The following SBF2 variants were observed in gnomAD, a reference collection of about 807,000 sequenced individuals.
SBF2 encodes myotubularin-related protein 13.
Under a neutral mutation model 225.2 loss-of-function variants are expected in SBF2, and 112 were observed. The ratio of observed to expected loss-of-function variants is 0.50; its 90% CI spans 0.43 to 0.58. The LOEUF (loss-of-function observed/expected upper bound fraction) is 0.58, where lower values mean the gene tolerates loss of function less well. Among genes scored for constraint, SBF2 ranks in the 20% least tolerant of loss-of-function variants. SBF2 has a pLI of 0.00. For missense variants in SBF2, 1,996 were observed against 2,206.2 expected, an observed-to-expected ratio of 0.90 and a Z score of 1.91; for synonymous variants, 763 against 773.3, an observed-to-expected ratio of 0.99 and a Z score of 0.22.
intron 26 of SBF2, chr11:9,839,189 C>CTGGGAAAATCCTGTTCTTCAAGT: frequency 2.6e-6 from 1 of 381,512 alleles, no homozygotes. Flanking sequence ...CTCTATTGGG[C>CTGGGAAAATCCTGTTCTTCAAGT]TGGGAAAATC....
intron 1 of SBF2, among the ~76,000 whole-genome samples, chr11:10,255,640 T>C (rs746080278): frequency 6.6e-6 from 1 of 152,230 alleles, no homozygotes; most frequent in Non-Finnish European, 1.5e-5. Context: ...AGATTGACCA[T>C]AATAGTTCCT....
chr11:9,828,800 G>A (rs1162712675), intron 28 of SBF2, among the ~76,000 whole-genome samples: 1 of 152,182 alleles, frequency 6.6e-6, no homozygotes, highest in Non-Finnish European at 1.5e-5. Flanking sequence ...CATATTCCAT[G>A]TCATAAGAAT....
At chr11:9,787,485 T>C in intron 36 of SBF2, 149 bp downstream of exon 36, 1 of 707,366 alleles carries the variant, frequency 1.4e-6, no homozygotes, top group Non-Finnish European at 2.6e-6. Context: ...CTTTCTGCCC[T>C]GGACCTCCAG....
At chr11:10,124,382 T>C (rs1565256316) in intron 2 of SBF2, among the ~76,000 whole-genome samples, 1 of 152,216 alleles carries the variant, frequency 6.6e-6, no homozygotes, top group Non-Finnish European at 1.5e-5. Context: ...AACTTGTACA[T>C]TTCCGTCCTA....
chr11:9,812,561 C>T lies in SBF2; in HGVS notation c.4126G>A (p.Ala1376Thr). Residue 1376 changes from alanine (A) to threonine (T), a missense_variant, in exon 30 of 40, where the codon GCG becomes ACG. Physicochemically the swap from Ala to Thr is moderately conservative, Grantham distance 58 (BLOSUM62 0). Transcript: ENST00000256190. ...PTDSEVTFLK[A>T]LGDSEWFPQL... ...GGGAACCACTCAGAATCTCCCAGCG[C>T]TTTCAGGAAGGTCACTTCTGAGTCA... is the stretch of plus-strand genomic sequence containing the variant. 1 of 1,614,192 alleles carries T rather than the reference C, an allele frequency of 6.2e-7. No individual in the cohort carries two copies. The highest frequency in any genetic ancestry group is 1.1e-5 in the South Asian group (1 of 91,084).
intron 1 of SBF2, 47 bp downstream of exon 1, chr11:10,293,968 G>T: frequency 7.9e-7 from 1 of 1,264,372 alleles, no homozygotes; most frequent in Non-Finnish European, 1.0e-6. Context: ...CTGGACAGCG[G>T]CCGGGGGGCG....
rs769153339 is a variant in SBF2, at chr11:9,992,553, A to G, written c.1168-10T>C. ...GCCCCAAGAATGCTGTCTGTGAAAA[A>G]AGAAAATGTGAAATAATAATTTATC... On this transcript the variant is annotated splice_polypyrimidine_tract_variant and intron_variant, in intron 11 of 39. Transcript: ENST00000256190. 6.2e-6 allele frequency: 10 copies of G among 1,608,324 alleles called. No individual in the cohort carries two copies. The highest frequency in any genetic ancestry group is 8.5e-6 in the Non-Finnish European group (10 of 1,177,384).
At chr11:10,217,173 G>T (rs1452435492) in intron 1 of SBF2, among the ~76,000 whole-genome samples, 6 of 151,778 alleles carry the variant, frequency 4.0e-5, no homozygotes, top group African/African-American at 1.5e-4. Context: ...AGAAGGAGAA[G>T]ATAATTATTA....
At chr11:10,085,235 A>G (rs1951518237) in intron 2 of SBF2, among the ~76,000 whole-genome samples, 1 of 152,182 alleles carries the variant, frequency 6.6e-6, no homozygotes, top group African/African-American at 2.4e-5. Context: ...ACCTTTTAGC[A>G]ATTATTGTTT....
In SBF2 at chr11:9,913,003, C is replaced by T. The variant is rs372630659; in HGVS notation, c.1861-16992G>A. On this transcript the variant is annotated intron_variant, in intron 16 of 39. Transcript: ENST00000256190. ...ACAGGTACTTCAAAAAAGAGAAAAC[C>T]GTGCTGGGTGTGGTGGTTCACACCC... 9.2e-5 allele frequency among the ~76,000 whole-genome samples: 14 copies of T among 152,182 alleles called. No individual in the cohort carries two copies. The East Asian group carries it at 1.2e-3, about 13-fold the overall frequency.
chr11:10,042,930 A>C lies in SBF2; in HGVS notation c.193T>G (p.Phe65Val). Reference protein sequence around the residue: ...QLSRERKQPTFFVVVLTDIDS... With the variant: ...QLSRERKQPTVFVVVLTDIDS... ...ATGTCTGTCAGGACAACCACAAAGAACGTTGGCTGCTTCCTCTCTCTGGAC... is the reference window on the plus strand; with the variant it reads ...ATGTCTGTCAGGACAACCACAAAGACCGTTGGCTGCTTCCTCTCTCTGGAC... The change falls in exon 3 of 40, where the codon TTC becomes GTC. Residue 65 changes from phenylalanine (F) to valine (V), a missense_variant. Coordinates refer to ENST00000256190, the MANE Select transcript of SBF2 (RefSeq NM_030962.4). 1 of 1,614,030 alleles carries C rather than the reference A, an allele frequency of 6.2e-7. No homozygotes were observed. The highest frequency in any genetic ancestry group is 8.5e-7 in the Non-Finnish European group (1 of 1,179,910).
chr11:10,087,952 A>T (rs947377069), intron 2 of SBF2, among the ~76,000 whole-genome samples: 1 of 151,938 alleles, frequency 6.6e-6, no homozygotes, highest in African/African-American at 2.4e-5. Flanking sequence ...TATGTACTTA[A>T]TATGTGGTAG....
chr11:9,952,556 T>C (rs1007907989), intron 16 of SBF2, among the ~76,000 whole-genome samples: 1 of 152,224 alleles, frequency 6.6e-6, no homozygotes, highest in African/African-American at 2.4e-5. Flanking sequence ...AGATCACTCA[T>C]CTATCAGCTT....
chr11:10,295,193 C>T (rs1450042277), upstream of SBF2, among the ~76,000 whole-genome samples: 2 of 152,204 alleles, frequency 1.3e-5, no homozygotes, highest in Non-Finnish European at 2.9e-5. Flanking sequence ...TATCACTGCT[C>T]ACTATTAATT....
intron 2 of SBF2, among the ~76,000 whole-genome samples, chr11:10,078,566 G>T (rs1459738179): frequency 6.6e-6 from 1 of 152,050 alleles, no homozygotes; most frequent in Non-Finnish European, 1.5e-5. Context: ...ATTCATAAGT[G>T]GGAGTTGAAC....
chr11:9,990,657 T>A (rs1359941128), intron 12 of SBF2, among the ~76,000 whole-genome samples: 1 of 152,178 alleles, frequency 6.6e-6, no homozygotes, highest in Non-Finnish European at 1.5e-5. Flanking sequence ...AACAGAGAAC[T>A]GGATGAACAC....
In SBF2 at chr11:9,919,440, C is replaced by T. The variant is rs186654089; in HGVS notation, c.1861-23429G>A. On this transcript the variant is annotated intron_variant, in intron 16 of 39. Transcript: ENST00000256190. The stretch of plus-strand genomic sequence containing the variant: ...TCGGCAAGACTCCTGTCTCAAAAGC[C>T]GAGCTCCCCGAGTGAGCAATTTCTG... 1.5e-4 allele frequency among the ~76,000 whole-genome samples: 23 copies of T among 152,108 alleles called. No homozygotes were observed. In the East Asian group the frequency reaches 1.6e-3, roughly 10 times the overall value.
chr11:10,297,566 T>A (rs1964559571), upstream of SBF2, among the ~76,000 whole-genome samples: 1 of 152,200 alleles, frequency 6.6e-6, no homozygotes, highest in South Asian at 2.1e-4. Context: ...TGGTAAGGGG[T>A]CTTGTTTTAC....
intron 33 of SBF2, chr11:9,791,187 A>G (rs563792846): frequency 6.5e-6 from 1 of 153,378 alleles, no homozygotes; most frequent in East Asian, 1.9e-4. Context: ...AGATGACAGA[A>G]GCGTGTAGTC....
Sources: gnomAD v4.1 joint callset for allele counts (sites outside exome capture counted in the v4.1 genomes callset) on GRCh38, gnomAD v4.1.1 for gene constraint, MANE v1.5 for transcripts, NCBI Gene and HGNC (gene_info 2026-07-23, HGNC 2026-07-21) for gene names.